The following GRIP1 variants were observed in gnomAD, a reference collection of about 807,000 sequenced individuals.
GRIP1 encodes the protein glutamate receptor interacting protein 1.
A neutral mutation model predicts 129.9 loss-of-function variants in GRIP1; 45 were observed. The ratio of observed to expected loss-of-function variants is 0.35; its 90% CI spans 0.27 to 0.44. The LOEUF (loss-of-function observed/expected upper bound fraction) is 0.44, where lower values mean the gene tolerates loss of function less well. Ranked by LOEUF, GRIP1 falls within the 20% of genes least tolerant of loss-of-function variation. The pLI, the probability that GRIP1 is intolerant of heterozygous loss-of-function variation, is 1.00. For synonymous variants in GRIP1, 530 were observed against 520.8 expected (o/e 1.02, Z -0.24); for missense variants, 1,196 against 1,396.8 (o/e 0.86, Z 2.29).
intron 1 of GRIP1, among the ~76,000 whole-genome samples, chr12:66,993,834 T>C (rs1189512764): frequency 1.3e-5 from 2 of 148,930 alleles, no homozygotes; most frequent in Non-Finnish European, 3.0e-5. Context: ...CAGACATTTC[T>C]ACCAATCTTA....
chr12:66,406,479 G>T (rs769212590), intron 15 of GRIP1, 51 bp from the exon 16 acceptor site: 1 of 1,553,494 alleles, frequency 6.4e-7, no homozygotes, highest in Non-Finnish European at 8.9e-7. Context: ...ACTTAACTAG[G>T]CCATTTAAAG....
intron 1 of GRIP1, among the ~76,000 whole-genome samples, chr12:67,066,943 A>C (rs936932724): frequency 9.5e-5 from 14 of 146,858 alleles, no homozygotes; most frequent in African/African-American, 3.2e-4. Context: ...CACAAACACC[A>C]GTTAGACAGG....
intron 2 of GRIP1, among the ~76,000 whole-genome samples, chr12:66,591,672 C>T (rs1164772599): frequency 6.6e-6 from 1 of 152,068 alleles, no homozygotes; most frequent in East Asian, 1.9e-4. Context: ...CTCTGTCACC[C>T]AGGCTGGAGA....
At chr12:66,735,978 T>C (rs1035648330) in intron 1 of GRIP1, among the ~76,000 whole-genome samples, 1 of 152,020 alleles carries the variant, frequency 6.6e-6, no homozygotes, top group Non-Finnish European at 1.5e-5. Context: ...TTGAGACACA[T>C]ATGAGATGTG....
chr12:66,800,479 G>A (rs2038826761), intron 1 of GRIP1, among the ~76,000 whole-genome samples: 1 of 152,064 alleles, frequency 6.6e-6, no homozygotes, highest in Non-Finnish European at 1.5e-5. Flanking sequence ...GACAGCAAGA[G>A]GTCAGGATTG....
At chr12:67,036,058 A>G (rs1168539804) in intron 1 of GRIP1, among the ~76,000 whole-genome samples, 1 of 152,212 alleles carries the variant, frequency 6.6e-6, no homozygotes, top group Non-Finnish European at 1.5e-5. Flanking sequence ...TAAAATTTAC[A>G]TCAAAATTGT....
intron 7 of GRIP1, among the ~76,000 whole-genome samples, chr12:66,514,758 T>C (rs7979740): frequency 0.46 from 69,524 of 151,918 alleles, 16,161 homozygotes; most frequent in African/African-American, 0.53. Flanking sequence ...TTGTATGACA[T>C]TGTTATATAT....
chr12:66,536,701 T>C (rs1197051048), intron 4 of GRIP1, among the ~76,000 whole-genome samples: 1 of 152,240 alleles, frequency 6.6e-6, no homozygotes, highest in Non-Finnish European at 1.5e-5. Context: ...ATAGCATTCA[T>C]AGTATTCATA....
At chr12:67,023,276 T>A (rs972490728) in intron 1 of GRIP1, among the ~76,000 whole-genome samples, 2 of 152,226 alleles carry the variant, frequency 1.3e-5, no homozygotes, top group South Asian at 2.1e-4. Flanking sequence ...TACATTTAAG[T>A]CTATGATACA....
chr12:66,899,565 A>G (rs1237190878), intron 1 of GRIP1, among the ~76,000 whole-genome samples: 1 of 151,988 alleles, frequency 6.6e-6, no homozygotes, highest in Non-Finnish European at 1.5e-5. Context: ...AGGTCTTGCT[A>G]TATTGTCCAG....
intron 1 of GRIP1, among the ~76,000 whole-genome samples, chr12:67,054,935 T>C (rs140439076): frequency 2.0e-5 from 3 of 152,264 alleles, no homozygotes; most frequent in African/African-American, 7.2e-5. Context: ...AGGGGACTAA[T>C]TATCTCAAAT....
intron 1 of GRIP1, among the ~76,000 whole-genome samples, chr12:66,939,160 A>G (rs914678508): frequency 6.6e-6 from 1 of 152,044 alleles, no homozygotes; most frequent in Non-Finnish European, 1.5e-5. Flanking sequence ...TTATCTGAGA[A>G]GATGGGGTGG....
chr12:66,455,889 A>C (rs2058945610), intron 10 of GRIP1, among the ~76,000 whole-genome samples: 1 of 152,246 alleles, frequency 6.6e-6, no homozygotes, highest in South Asian at 2.1e-4. Flanking sequence ...ATTTTCTGAC[A>C]TGAATTTCAT....
intron 1 of GRIP1, among the ~76,000 whole-genome samples, chr12:67,013,658 T>A (rs1325085389): frequency 1.3e-5 from 2 of 152,190 alleles, no homozygotes; most frequent in Non-Finnish European, 1.5e-5. Context: ...TTGCCAAGTC[T>A]CCTACAGAGC....
intron 1 of GRIP1, among the ~76,000 whole-genome samples, chr12:66,956,058 C>T (rs960975319): frequency 6.6e-6 from 1 of 152,140 alleles, no homozygotes; most frequent in Admixed American, 6.5e-5. Flanking sequence ...TCTAATATTG[C>T]CATTTTAAGT....
At chr12:66,760,292 T>C (rs1016718002) in intron 1 of GRIP1, among the ~76,000 whole-genome samples, 1 of 152,188 alleles carries the variant, frequency 6.6e-6, no homozygotes, top group Non-Finnish European at 1.5e-5. Flanking sequence ...CGCTTCCATA[T>C]TTTCAGGTAC....
intron 2 of GRIP1, among the ~76,000 whole-genome samples, chr12:66,595,450 C>A (rs1484162001): frequency 6.6e-6 from 1 of 152,130 alleles, no homozygotes; most frequent in African/African-American, 2.4e-5. Context: ...GTTGTAAGGA[C>A]ACTGGGAAGT....
chr12:66,766,137 G>A (rs1005100574), intron 1 of GRIP1, among the ~76,000 whole-genome samples: 2 of 152,276 alleles, frequency 1.3e-5, no homozygotes, highest in African/African-American at 4.8e-5. Context: ...GTGACTGGCT[G>A]ACAACTCGAA....
intron 1 of GRIP1, among the ~76,000 whole-genome samples, chr12:66,971,707 A>AG (rs1408819513): frequency 6.6e-6 from 1 of 152,212 alleles, no homozygotes; most frequent in Non-Finnish European, 1.5e-5. Context: ...CATCACAGAG[A>AG]GTATAAATGT....
Sources: gnomAD v4.1 joint callset for allele counts (sites outside exome capture counted in the v4.1 genomes callset) on GRCh38, gnomAD v4.1.1 for gene constraint, MANE v1.5 for transcripts, NCBI Gene and HGNC (gene_info 2026-07-23, HGNC 2026-07-21) for gene names.